CTSO: variants seen among roughly 807,000 people sequenced by gnomAD.
The protein encoded by CTSO is cathepsin O.
CTSO carries 40 observed loss-of-function variants against 42.4 expected under a neutral mutation model. The ratio of observed to expected loss-of-function variants is 0.94; its 90% CI spans 0.73 to 1.23. CTSO has a LOEUF of 1.23. Ranked by LOEUF, CTSO falls within the 50% of genes most tolerant of loss-of-function variation. The probability of loss-of-function intolerance (pLI) is 0.00; values close to 1 mark genes in which losing one functional copy is unlikely to be tolerated. For missense variants in CTSO, 441 were observed against 396.0 expected, an observed-to-expected ratio of 1.11 and a Z score of -0.96; for synonymous variants, 156 against 146.2, an observed-to-expected ratio of 1.07 and a Z score of -0.48.
At chr4:155,952,031 GGTGTTCA>G (rs1743684147) in intron 1 of CTSO, among the ~76,000 whole-genome samples, 1 of 152,180 alleles carries the variant, frequency 6.6e-6, no homozygotes, top group African/African-American at 2.4e-5. Context: ...AGCACCGAGA[GGTGTTCA>G]GTTTCCAGCA....
chr4:155,933,091 A>G (rs1320776096), intron 5 of CTSO, among the ~76,000 whole-genome samples: 1 of 151,974 alleles, frequency 6.6e-6, no homozygotes, highest in Non-Finnish European at 1.5e-5. Flanking sequence ...TTGGTGACTG[A>G]GATGGTTTGG....
In CTSO at chr4:155,947,914, C is replaced by T. The variant is rs1057188699; in HGVS notation, c.136-4650G>A. On this transcript the variant is annotated intron_variant, in intron 1 of 7. Transcript: ENST00000433477. Reference sequence around the variant, plus strand: ...TTAACTTCATTTATGAGAGGAAAGACGTAAAGTTTTGATGAATACATAGGA... The same window carrying T: ...TTAACTTCATTTATGAGAGGAAAGATGTAAAGTTTTGATGAATACATAGGA... Among the ~76,000 whole-genome samples the T allele has an allele frequency of 5.9e-5, 9 of 152,056 alleles. No individual in the cohort carries two copies. The South Asian group carries it at 6.2e-4, about 11-fold the overall frequency.
chr4:155,944,462 G>A (rs17314575), intron 1 of CTSO, among the ~76,000 whole-genome samples: 4,241 of 152,244 alleles, frequency 0.028, 79 homozygotes, highest in Non-Finnish European at 0.043. Context: ...ATATAAGCCA[G>A]AGACTATTAA....
chr4:155,941,835 T>A (rs953531368), intron 3 of CTSO, among the ~76,000 whole-genome samples: 5 of 152,220 alleles, frequency 3.3e-5, no homozygotes, highest in African/African-American at 7.2e-5. Context: ...CTGACAGAGC[T>A]TGCAAGATGA....
intron 5 of CTSO, among the ~76,000 whole-genome samples, chr4:155,932,230 T>C (rs142183891): frequency 7.9e-5 from 12 of 152,258 alleles, no homozygotes; most frequent in African/African-American, 2.4e-4. Context: ...TGCTTTCAGG[T>C]TCTGTACAAT....
intron 3 of CTSO, among the ~76,000 whole-genome samples, chr4:155,940,599 C>T (rs1228845404): frequency 2.0e-5 from 3 of 152,158 alleles, no homozygotes; most frequent in African/African-American, 7.2e-5. Flanking sequence ...AATCCCAGCA[C>T]TTTGGGAGGC....
intron 6 of CTSO, among the ~76,000 whole-genome samples, chr4:155,929,246 G>T (rs1422178409): frequency 2.6e-5 from 4 of 152,110 alleles, no homozygotes; most frequent in African/African-American, 4.8e-5. Context: ...ATAAATATGT[G>T]GGTAAAGCTC....
chr4:155,939,982 A>C (rs1387276875), intron 3 of CTSO, among the ~76,000 whole-genome samples: 1 of 152,062 alleles, frequency 6.6e-6, no homozygotes, highest in Non-Finnish European at 1.5e-5. Context: ...CACCACTTCC[A>C]TCCTAAGGGT....
At chr4:155,932,420 A>G (rs914558202) in intron 5 of CTSO, among the ~76,000 whole-genome samples, 2 of 152,136 alleles carry the variant, frequency 1.3e-5, no homozygotes, top group African/African-American at 4.8e-5. Flanking sequence ...AATATTATTG[A>G]AGTACAAAGG....
At chr4:155,937,581 C>G in intron 4 of CTSO, 98 bp from the exon 5 acceptor site, 1 of 1,094,990 alleles carries the variant, frequency 9.1e-7, no homozygotes, top group Non-Finnish European at 1.4e-6. Flanking sequence ...ATTTCACACA[C>G]CTTCATCATG....
At chr4:155,936,601 C>A (rs1461912518) in intron 5 of CTSO, among the ~76,000 whole-genome samples, 1 of 152,128 alleles carries the variant, frequency 6.6e-6, no homozygotes, top group East Asian at 1.9e-4. Context: ...ACCTATTTTG[C>A]ACTCTATCAA....
At chr4:155,941,436 G>C (rs1488031335) in intron 3 of CTSO, among the ~76,000 whole-genome samples, 1 of 152,150 alleles carries the variant, frequency 6.6e-6, no homozygotes, top group East Asian at 1.9e-4. Flanking sequence ...CTAGTTCAAA[G>C]GCACCTCCTT....
chr4:155,939,416 G>A lies in CTSO; in HGVS notation c.507C>T (p.Gly169=), dbSNP rs1357354227. The change falls in exon 4 of 8, where the codon GGC becomes GGT. Residue 169 remains glycine (G), a synonymous_variant. Coordinates refer to ENST00000433477, the MANE Select transcript of CTSO (RefSeq NM_001334.3). ...CATTGAGAGTAGAGCCTCCATTGCA[G>A]CCATAATTATTATACGAACAGTCAA... is the stretch of plus-strand genomic sequence containing the variant. ...QVIDCSYNNY[G]CNGGSTLNAL... 8 of 1,614,032 alleles carry A rather than the reference G, an allele frequency of 5.0e-6. 1 individual carries two copies. The South Asian group carries it at 5.5e-5, about 11-fold the overall frequency.
intron 5 of CTSO, among the ~76,000 whole-genome samples, chr4:155,936,884 A>G (rs1374892137): frequency 6.6e-6 from 1 of 152,212 alleles, no homozygotes; most frequent in African/African-American, 2.4e-5. Flanking sequence ...TGAAAAATGC[A>G]AAGAACATAG....
intron 5 of CTSO, among the ~76,000 whole-genome samples, chr4:155,932,324 G>T (rs1743250804): frequency 6.6e-6 from 1 of 152,108 alleles, no homozygotes; most frequent in Non-Finnish European, 1.5e-5. Context: ...CTTTGGAGTT[G>T]AACAGATATG....
At chr4:155,935,870 A>C (rs1234638882) in intron 5 of CTSO, among the ~76,000 whole-genome samples, 1 of 152,186 alleles carries the variant, frequency 6.6e-6, no homozygotes, top group African/African-American at 2.4e-5. Context: ...CTTCAATATA[A>C]ACAAGATATT....
At chr4:155,939,664 G>A (rs1053814802) in intron 3 of CTSO, 126 bp from the exon 4 acceptor site, 17 of 729,260 alleles carry the variant, frequency 2.3e-5, no homozygotes, top group Non-Finnish European at 3.6e-5. Context: ...AAATAAATAC[G>A]CCTATCCTCT....
chr4:155,952,989 C>T (rs1255533929), intron 1 of CTSO, among the ~76,000 whole-genome samples: 2 of 151,900 alleles, frequency 1.3e-5, no homozygotes, highest in African/African-American at 4.8e-5. Flanking sequence ...TCAGGAAAAT[C>T]ATTATTTGTG....
At chr4:155,928,654 C>A (rs1017440976) in intron 6 of CTSO, among the ~76,000 whole-genome samples, 1 of 152,114 alleles carries the variant, frequency 6.6e-6, no homozygotes, top group African/African-American at 2.4e-5. Flanking sequence ...AATTCACTTC[C>A]CTTTATACAG....
Sources: allele counts gnomAD v4.1 joint callset (sites outside exome capture counted in the v4.1 genomes callset), GRCh38; gene constraint gnomAD v4.1.1; transcripts MANE v1.5; gene names NCBI Gene and HGNC (gene_info 2026-07-23, HGNC 2026-07-21).